Variants in FOSL2 observed in about 807,000 individuals in gnomAD.
FOSL2 encodes FOS like 2, AP-1 transcription factor subunit, also known as fos-related antigen 2.
Under a neutral mutation model 27.7 loss-of-function variants are expected in FOSL2, and 3 were observed. That is an observed-to-expected ratio of 0.11 (90% CI 0.05 to 0.28). FOSL2 has a LOEUF of 0.28. FOSL2 is among the 10% of genes least tolerant of loss of function. The probability of loss-of-function intolerance (pLI) is 1.00; values close to 1 mark genes in which losing one functional copy is unlikely to be tolerated. For synonymous variants in FOSL2, 179 were observed against 190.1 expected (o/e 0.94, Z 0.48); for missense variants, 333 against 445.1 (o/e 0.75, Z 2.27).
chr2:28,410,765 C>T (rs773808939), intron 3 of FOSL2, among the ~76,000 whole-genome samples: 19 of 152,318 alleles, frequency 1.2e-4, no homozygotes, highest in African/African-American at 3.4e-4. Flanking sequence ...CAGGCCCTCT[C>T]GGGCTGTCAC....
chr2:28,401,306 C>A (rs1000937192), intron 1 of FOSL2, among the ~76,000 whole-genome samples: 1 of 151,720 alleles, frequency 6.6e-6, no homozygotes, highest in African/African-American at 2.4e-5. Context: ...AATGGCGAGG[C>A]TCTGACATTA....
At position 28,408,841 on chromosome 2, in the gene FOSL2, G is replaced by A; in HGVS notation, c.437G>A (p.Arg146Gln). 1.2e-6 allele frequency: 2 copies of A among 1,610,582 alleles called. No individual in the cohort carries two copies. Among genetic ancestry groups the A allele is most frequent in the Non-Finnish European group, 8.5e-7 (1 of 1,178,446 alleles). ...LAAAKCRNRR[R>Q]ELTEKLQAET... ...GCAGCCAAGTGCCGGAACCGACGCC[G>A]GGAGCTGACAGAGAAGCTGCAGGCG... Residue 146 changes from arginine to glutamine, a missense_variant, in exon 3 of 4, where the codon CGG (arginine) becomes CAG (glutamine). Physicochemically the swap from Arg to Gln is conservative, Grantham distance 43. Coordinates refer to ENST00000264716, the MANE Select transcript of FOSL2 (RefSeq NM_005253.4). This position sits in a 1 kb window ranked among gnomAD's most constrained non-coding sequence, Gnocchi z 4.1.
In FOSL2 at chr2:28,393,188, G is replaced by T; in HGVS notation, c.-533G>T. ...CGAGCCGCCCCGAAACTCGGGCGGC[G>T]AGTCGGCCACGGGAAGTTTATTCTC... On this transcript the variant is annotated 5_prime_UTR_variant, in exon 1 of 4. Transcript: ENST00000264716. The surrounding 1 kb of genome is among the most constrained non-coding windows in gnomAD (Gnocchi z 4.6). The T allele has an allele frequency of 3.9e-6, 1 of 258,118 alleles. No individual in the cohort carries two copies. Among genetic ancestry groups the T allele is most frequent in the Middle Eastern group, 1.2e-3 (1 of 840 alleles). The allele number at this position is 258,118 out of a possible 1,614,324, so 16.0% of individuals were successfully genotyped here.
chr2:28,404,055 C>T lies in FOSL2; in HGVS notation c.103-52C>T, dbSNP rs1189213472. ...CTCTGTTCAATTATTATTAACTATCCTGTTCAGCTTAGTATTTATTGGCTC... is the reference window on the plus strand; with the variant it reads ...CTCTGTTCAATTATTATTAACTATCTTGTTCAGCTTAGTATTTATTGGCTC... On this transcript the variant is annotated intron_variant, in intron 1 of 3. Transcript: ENST00000264716. This position sits in a 1 kb window ranked among gnomAD's most constrained non-coding sequence, Gnocchi z 4.7. The T allele has an allele frequency of 3.1e-6, 5 of 1,600,308 alleles. No individual in the cohort carries two copies. In the African/African-American group the frequency reaches 4.0e-5, roughly 13 times the overall value.
chr2:28,398,379 TG>T lies in FOSL2; in HGVS notation c.102+4558del, dbSNP rs11331043. Among the ~76,000 whole-genome samples, 921 of 152,366 alleles carry T rather than the reference TG, an allele frequency of 6.0e-3. 38 individuals carry two copies. The highest frequency in any genetic ancestry group is 0.055 in the Admixed American group (846 of 15,312). On this transcript the variant is annotated intron_variant, in intron 1 of 3. Coordinates refer to ENST00000264716, the MANE Select transcript of FOSL2 (RefSeq NM_005253.4). ...GTCTCTCGGCCCTGTCCCGTGGCAG[TG>T]AGACTTTCCTAGGCTCACCTTCCGG...
chr2:28,396,030 G>C (rs868324283), intron 1 of FOSL2, among the ~76,000 whole-genome samples: 5 of 152,034 alleles, frequency 3.3e-5, no homozygotes, highest in Non-Finnish European at 7.4e-5. Flanking sequence ...ATTTCTCTCC[G>C]CTTCCTGTAC....
At chr2:28,400,499 T>C (rs1440336380) in intron 1 of FOSL2, among the ~76,000 whole-genome samples, 3 of 152,186 alleles carry the variant, frequency 2.0e-5, no homozygotes, top group Admixed American at 1.3e-4. Context: ...CCAGATCTAA[T>C]TGAAACTTTT....
At chr2:28,406,810 TC>T (rs1269092691) in intron 2 of FOSL2, among the ~76,000 whole-genome samples, 1 of 152,094 alleles carries the variant, frequency 6.6e-6, no homozygotes, top group East Asian at 1.9e-4. Context: ...GTCCCCAGCC[TC>T]CCCCAGCCTC....
chr2:28,402,007 C>A (rs977145199), intron 1 of FOSL2, among the ~76,000 whole-genome samples: 14 of 152,078 alleles, frequency 9.2e-5, no homozygotes, highest in African/African-American at 3.4e-4. Context: ...CTGTGCAACT[C>A]TCCTCTTGAA....
In FOSL2 at chr2:28,412,102, G is replaced by T. The variant is rs371015391; in HGVS notation, c.635G>T (p.Gly212Val). 1.2e-6 allele frequency: 2 copies of T among 1,606,484 alleles called. No individual in the cohort carries two copies. Among genetic ancestry groups the T allele is most frequent in the Admixed American group, 1.7e-5 (1 of 60,004 alleles). ...PAPGLQPMRS[G>V]GGSVGAVVVK... ...CCTGGGCTGCAGCCCATGCGCAGTG[G>T]GGGTGGCTCGGTGGGCGCTGTAGTG... The change falls in exon 4 of 4, where the codon GGG becomes GTG. Residue 212 changes from glycine (G) to valine (V), a missense_variant. Physicochemically the swap from Gly to Val is moderately radical, Grantham distance 109. Around this residue, in one of 4 missense-constraint regions of FOSL2, gnomAD observed 136 missense variants for 123.7 expected, o/e 1.10. Coordinates refer to ENST00000264716, the MANE Select transcript of FOSL2 (RefSeq NM_005253.4). This position sits in a 1 kb window ranked among gnomAD's most constrained non-coding sequence, Gnocchi z 7.1.
chr2:28,400,439 AATAACACG>A (rs1467093483), intron 1 of FOSL2, among the ~76,000 whole-genome samples: 16 of 152,068 alleles, frequency 1.1e-4, no homozygotes, highest in African/African-American at 3.4e-4. Flanking sequence ...CACGTTTCTG[AATAACACG>A]TTTCTGAATA....
chr2:28,396,028 C>G (rs1001596069), intron 1 of FOSL2, among the ~76,000 whole-genome samples: 1 of 152,216 alleles, frequency 6.6e-6, no homozygotes, highest in Non-Finnish European at 1.5e-5. Flanking sequence ...TTATTTCTCT[C>G]CGCTTCCTGT....
rs1664319386 is a variant in FOSL2 at position 28,416,753 on chromosome 2, G to A, written c.*4305G>A. ...TATTTGACTTTGTGTAAAGAGTAGGGTATCAGGGTGTCTTTTCTGCCGTGG... is the reference window on the plus strand; with the variant it reads ...TATTTGACTTTGTGTAAAGAGTAGGATATCAGGGTGTCTTTTCTGCCGTGG... On this transcript the variant is annotated 3_prime_UTR_variant, in exon 4 of 4. Coordinates refer to ENST00000264716, the MANE Select transcript of FOSL2 (RefSeq NM_005253.4). The A allele has an allele frequency of 6.6e-6, 1 of 151,900 alleles. No homozygotes were observed. Among genetic ancestry groups the A allele is most frequent in the African/African-American group, 2.4e-5 (1 of 41,346 alleles). The allele number at this position is 151,900 out of a possible 1,614,324, so 9.4% of individuals were successfully genotyped here. A position where few individuals can be genotyped will look rare whatever the true frequency, so the allele number is the denominator to read the frequency against.
Position 28,392,884 on chromosome 2 carries a change from T to C in FOSL2, c.-837T>C. On this transcript the variant is annotated 5_prime_UTR_variant, in exon 1 of 4. Transcript: ENST00000264716. ...TAGTGACTCATCTCGGGCAGAGCGC[T>C]AGGGCTCCGAGCGAACCAGCGAGCG... is the stretch of plus-strand genomic sequence containing the variant. 1 of 714,072 alleles carries C rather than the reference T, an allele frequency of 1.4e-6. No homozygotes were observed. Among genetic ancestry groups the C allele is most frequent in the South Asian group, 1.5e-5 (1 of 67,452 alleles). 44.2% of individuals were successfully genotyped at this position (714,072 alleles called of 1,614,324 possible).
intron 3 of FOSL2, among the ~76,000 whole-genome samples, chr2:28,409,333 T>C (rs1166012254): frequency 6.6e-6 from 1 of 152,162 alleles, no homozygotes; most frequent in Non-Finnish European, 1.5e-5. Context: ...GGGAGAAGTC[T>C]TGATGGAGAT....
chr2:28,393,752 C>A lies in FOSL2; in HGVS notation c.32C>A (p.Thr11Asn). 1 of 1,610,400 alleles carries A rather than the reference C, an allele frequency of 6.2e-7. No individual in the cohort carries two copies. Among genetic ancestry groups the A allele is most frequent in the Non-Finnish European group, 8.5e-7 (1 of 1,178,646 alleles). Residue 11 changes from threonine (T) to asparagine (N), a missense_variant, in exon 1 of 4, where the codon ACC (threonine) becomes AAC (asparagine). This residue lies in a region of FOSL2 where 131 missense variants were observed against 157.9 expected (regional missense o/e 0.83). Transcript: ENST00000264716. The surrounding 1 kb of genome is among the most constrained non-coding windows in gnomAD (Gnocchi z 4.6). ...CAGGATTATCCCGGGAACTTTGACA[C>A]CTCGTCCCGGGGCAGCAGCGGCTCT... MYQDYPGNFDTSSRGSSGSPA... is the reference protein window; with the variant it reads MYQDYPGNFDNSSRGSSGSPA...
chr2:28,397,235 G>T (rs1188521555), intron 1 of FOSL2: 2 of 152,044 alleles, frequency 1.3e-5, no homozygotes, highest in Non-Finnish European at 2.9e-5. Flanking sequence ...AATAAAAAAA[G>T]GAGTGCTTTT....
At chr2:28,410,539 G>A (rs1006836768) in intron 3 of FOSL2, 15 of 985,012 alleles carry the variant, frequency 1.5e-5, no homozygotes, top group African/African-American at 1.0e-4. Flanking sequence ...TTTTCACTCC[G>A]GAATATGCTG....
At chr2:28,400,406 C>T (rs1663944966) in intron 1 of FOSL2, among the ~76,000 whole-genome samples, 2 of 152,122 alleles carry the variant, frequency 1.3e-5, no homozygotes, top group African/African-American at 4.8e-5. Flanking sequence ...CACCTCTTCT[C>T]TCCTACCCCA....
Sources: allele counts gnomAD v4.1 joint callset (sites outside exome capture counted in the v4.1 genomes callset), GRCh38; gene constraint gnomAD v4.1.1; regional missense constraint gnomAD v4.1.1; non-coding constraint Gnocchi (gnomAD v3.1); transcripts MANE v1.5; gene names NCBI Gene and HGNC (gene_info 2026-07-23, HGNC 2026-07-21).